CPPED1: variants seen among roughly 807,000 people sequenced by gnomAD.
CPPED1 encodes serine/threonine-protein phosphatase CPPED1.
A neutral mutation model predicts 28.0 loss-of-function variants in CPPED1; 28 were observed. The observed-to-expected ratio is 1.00, with a 90% confidence interval of 0.74 to 1.37. The LOEUF is 1.37. Ranked by LOEUF, CPPED1 falls within the 40% of genes most tolerant of loss-of-function variation. The pLI, the probability that CPPED1 is intolerant of heterozygous loss-of-function variation, is 0.00. For synonymous variants in CPPED1, 198 were observed against 180.2 expected (o/e 1.10, Z -0.79); for missense variants, 504 against 416.5 (o/e 1.21, Z -1.83).
chr16:12,668,849 T>C (rs899936265), intron 3 of CPPED1, among the ~76,000 whole-genome samples: 3 of 152,222 alleles, frequency 2.0e-5, no homozygotes, highest in Admixed American at 6.5e-5. Context: ...TACAGGGATT[T>C]GGAGAAATTA....
intron 2 of CPPED1, among the ~76,000 whole-genome samples, chr16:12,764,260 G>A (rs564221505): frequency 6.6e-6 from 1 of 151,682 alleles, no homozygotes; most frequent in South Asian, 2.1e-4. Flanking sequence ...CCAGAGTGCA[G>A]TGGTGCGATC....
At chr16:12,785,207 C>A (rs1402637632) in intron 1 of CPPED1, among the ~76,000 whole-genome samples, 2 of 152,246 alleles carry the variant, frequency 1.3e-5, no homozygotes, top group East Asian at 3.9e-4. Context: ...ACCTCTCCAT[C>A]CCTTAAAAGG....
intron 1 of CPPED1, among the ~76,000 whole-genome samples, chr16:12,786,200 A>G (rs531463540): frequency 6.6e-6 from 1 of 152,256 alleles, no homozygotes; most frequent in Non-Finnish European, 1.5e-5. Flanking sequence ...GTCGCCTGGG[A>G]GCACATTCAC....
chr16:12,725,427 G>C (rs2080164748), intron 2 of CPPED1, among the ~76,000 whole-genome samples: 1 of 152,156 alleles, frequency 6.6e-6, no homozygotes, highest in Non-Finnish European at 1.5e-5. Flanking sequence ...ACTTTGAAGG[G>C]ACTTGTAAGT....
At chr16:12,692,912 A>C (rs2141179557) in intron 3 of CPPED1, among the ~76,000 whole-genome samples, 1 of 152,338 alleles carries the variant, frequency 6.6e-6, no homozygotes, top group East Asian at 1.9e-4. Flanking sequence ...CAACTGCCTG[A>C]CATGGCCCCT....
At chr16:12,696,896 C>G (rs1389954895) in intron 3 of CPPED1, among the ~76,000 whole-genome samples, 1 of 152,194 alleles carries the variant, frequency 6.6e-6, no homozygotes, top group Non-Finnish European at 1.5e-5. Context: ...CAAATCCTGT[C>G]TGTTCACCTG....
At chr16:12,744,541 C>T (rs915396710) in intron 2 of CPPED1, among the ~76,000 whole-genome samples, 2 of 152,164 alleles carry the variant, frequency 1.3e-5, no homozygotes, top group African/African-American at 2.4e-5. Context: ...CCGTAAGAGA[C>T]AGGACGCTAG....
chr16:12,794,310 G>A (rs934521142), intron 1 of CPPED1, among the ~76,000 whole-genome samples: 4 of 152,104 alleles, frequency 2.6e-5, no homozygotes, highest in Admixed American at 2.0e-4. Context: ...AAAAGCCACT[G>A]AATTGTACAC....
At chr16:12,716,632 TA>T (rs754916244) in intron 2 of CPPED1, among the ~76,000 whole-genome samples, 5 of 152,232 alleles carry the variant, frequency 3.3e-5, no homozygotes, top group Non-Finnish European at 7.3e-5. Flanking sequence ...AAAAGTCAAT[TA>T]AGAGTTTTAC....
At chr16:12,769,691 G>A (rs180820622) in intron 2 of CPPED1, among the ~76,000 whole-genome samples, 1 of 152,288 alleles carries the variant, frequency 6.6e-6, no homozygotes, top group African/African-American at 2.4e-5. Flanking sequence ...AGGAGCCAGG[G>A]GGCTTGGCTG....
At chr16:12,801,044 A>G (rs534855744) in intron 1 of CPPED1, among the ~76,000 whole-genome samples, 1 of 152,138 alleles carries the variant, frequency 6.6e-6, no homozygotes, top group South Asian at 2.1e-4. Flanking sequence ...ATTCTCCACC[A>G]TACTGGACAG....
At chr16:12,681,526 T>G (rs2079904764) in intron 3 of CPPED1, among the ~76,000 whole-genome samples, 1 of 152,158 alleles carries the variant, frequency 6.6e-6, no homozygotes, top group East Asian at 1.9e-4. Flanking sequence ...AATTACACTT[T>G]TCATACCTCA....
rs2079789596 is a variant in CPPED1, at chr16:12,660,769, AT to A, written c.*4116del. The A allele has an allele frequency of 6.6e-6, 1 of 152,224 alleles. No individual in the cohort carries two copies. Among genetic ancestry groups the A allele is most frequent in the Admixed American group, 6.5e-5 (1 of 15,282 alleles). The allele number at this position is 152,224 out of a possible 1,614,324, so 9.4% of individuals were successfully genotyped here. Reference sequence around the variant, plus strand: ...GCTCAATATAATATTGCTACCTAATATTGTGACTGCACAAAACCATTTTAGG... The same window carrying A: ...GCTCAATATAATATTGCTACCTAATATGTGACTGCACAAAACCATTTTAGG... On this transcript the variant is annotated 3_prime_UTR_variant, in exon 4 of 4. Coordinates refer to ENST00000381774, the MANE Select transcript of CPPED1 (RefSeq NM_018340.3).
At chr16:12,749,935 C>A (rs1473771817) in intron 2 of CPPED1, among the ~76,000 whole-genome samples, 1 of 152,130 alleles carries the variant, frequency 6.6e-6, no homozygotes, top group African/African-American at 2.4e-5. Context: ...GAATCCTTTC[C>A]AGAAGGTTTT....
intron 1 of CPPED1, among the ~76,000 whole-genome samples, chr16:12,796,010 G>T (rs1208412458): frequency 1.3e-5 from 2 of 151,552 alleles, no homozygotes; most frequent in Non-Finnish European, 2.9e-5. Context: ...TTGAACCCAG[G>T]AAGCAGAGGT....
Position 12,664,230 on chromosome 16 carries a change from T to C in CPPED1, c.*656A>G. The C allele has an allele frequency of 3.0e-6, 1 of 334,922 alleles. No individual in the cohort carries two copies. Among genetic ancestry groups the C allele is most frequent in the Non-Finnish European group, 4.3e-6 (1 of 234,948 alleles). 20.7% of individuals were successfully genotyped at this position (334,922 alleles called of 1,614,324 possible). ...GATTTTCAGAAATGGCCAATTTATGTGCAAAGGTGACTTTTCTAGGCACCC... is the reference window on the plus strand; with the variant it reads ...GATTTTCAGAAATGGCCAATTTATGCGCAAAGGTGACTTTTCTAGGCACCC... On this transcript the variant is annotated 3_prime_UTR_variant, in exon 4 of 4. Coordinates refer to ENST00000381774, the MANE Select transcript of CPPED1 (RefSeq NM_018340.3). This position sits in a 1 kb window ranked among gnomAD's most constrained non-coding sequence, Gnocchi z 4.2.
At chr16:12,687,649 T>C (rs1367035316) in intron 3 of CPPED1, among the ~76,000 whole-genome samples, 1 of 152,154 alleles carries the variant, frequency 6.6e-6, no homozygotes, top group Non-Finnish European at 1.5e-5. Context: ...CGAGCACCTA[T>C]AATCCCAGCT....
chr16:12,775,094 A>G (rs938897), intron 2 of CPPED1, among the ~76,000 whole-genome samples: 19,620 of 152,192 alleles, frequency 0.13, 1,615 homozygotes, highest in Non-Finnish European at 0.19. Context: ...TGCTGGGATT[A>G]TAGATGTGGG....
At chr16:12,770,081 C>T (rs527356669) in intron 2 of CPPED1, among the ~76,000 whole-genome samples, 157 of 152,224 alleles carry the variant, frequency 1.0e-3, no homozygotes, top group Non-Finnish European at 1.6e-3. Flanking sequence ...ACATGGTAGG[C>T]GGTGCAGGAA....
Sources: allele counts gnomAD v4.1 joint callset (sites outside exome capture counted in the v4.1 genomes callset), GRCh38; gene constraint gnomAD v4.1.1; non-coding constraint Gnocchi (gnomAD v3.1); transcripts MANE v1.5; gene names NCBI Gene and HGNC (gene_info 2026-07-23, HGNC 2026-07-21).